Variants in ZNF710 observed in about 807,000 individuals in gnomAD.
The protein encoded by ZNF710 is zinc finger protein 710.
Under a neutral mutation model 50.6 loss-of-function variants are expected in ZNF710, and 13 were observed. The ratio of observed to expected loss-of-function variants is 0.26; its 90% confidence interval spans 0.17 to 0.41. ZNF710 has a LOEUF of 0.41. Among genes scored for constraint, ZNF710 ranks in the 10% least tolerant of loss-of-function variants. The probability of loss-of-function intolerance (pLI) is 1.00; values close to 1 mark genes in which losing one functional copy is unlikely to be tolerated. For missense variants in ZNF710, 721 were observed against 936.6 expected (o/e 0.77, Z 3.01); for synonymous variants, 383 against 397.0 (o/e 0.96, Z 0.42).
At chr15:90,018,648 C>T (rs540564705) in intron 1 of ZNF710, among the ~76,000 whole-genome samples, 1 of 152,280 alleles carries the variant, frequency 6.6e-6, no homozygotes, top group South Asian at 2.1e-4. Flanking sequence ...TGCACCTTGG[C>T]CCCTGCCTGC....
chr15:89,999,483 T>C (rs1047495270), upstream of ZNF710, among the ~76,000 whole-genome samples: 3 of 152,122 alleles, frequency 2.0e-5, no homozygotes, highest in Non-Finnish European at 4.4e-5. Flanking sequence ...GAAATGTGGT[T>C]TCCTGCAGAC....
chr15:90,039,906 C>T (rs8024557), intron 1 of ZNF710, among the ~76,000 whole-genome samples: 2,358 of 152,286 alleles, frequency 0.015, 59 homozygotes, highest in African/African-American at 0.054. Flanking sequence ...TTCGAGTCAC[C>T]CACATCTGTT....
chr15:90,070,060 G>T (rs1027431568), intron 2 of ZNF710, among the ~76,000 whole-genome samples: 1 of 152,224 alleles, frequency 6.6e-6, no homozygotes, highest in Non-Finnish European at 1.5e-5. Context: ...GGTCAAACTT[G>T]TGACCCTGTC....
chr15:90,064,859 G>A lies in ZNF710; in HGVS notation c.-28-2251G>A, dbSNP rs116830267. Among the ~76,000 whole-genome samples, 743 of 152,228 alleles carry A rather than the reference G, an allele frequency of 4.9e-3. 5 individuals carry two copies. Among genetic ancestry groups the A allele is most frequent in the African/African-American group, 0.016 (675 of 41,488 alleles). ...CTGCTTCACCTGTGTTAGGACCGTG[G>A]GCCCTCACAACCCTTCCATGGGTGA... On this transcript the variant is annotated intron_variant, in intron 1 of 4. Transcript: ENST00000268154.
At position 90,081,428 on chromosome 15, in the gene ZNF710, A is replaced by G. The variant is rs2151544309; in HGVS notation, c.*1599A>G. The G allele has an allele frequency of 6.6e-6, 1 of 152,284 alleles. No individual in the cohort carries two copies. Among genetic ancestry groups the G allele is most frequent in the South Asian group, 2.1e-4 (1 of 4,820 alleles). 9.4% of individuals were successfully genotyped at this position (152,284 alleles called of 1,614,324 possible). A position where few individuals can be genotyped will look rare whatever the true frequency, so the allele number is the denominator to read the frequency against. On this transcript the variant is annotated 3_prime_UTR_variant, in exon 5 of 5. Transcript: ENST00000268154. ...CTAGCTTCAGCCTAGAAACCCGGAG[A>G]AGGGAACAGCCTGCGGTGGGAGGAA... is the stretch of plus-strand genomic sequence containing the variant.
At chr15:90,033,640 C>A (rs868553948) in intron 1 of ZNF710, among the ~76,000 whole-genome samples, 4 of 152,192 alleles carry the variant, frequency 2.6e-5, no homozygotes, top group Non-Finnish European at 5.9e-5. Flanking sequence ...CTCACTGCAG[C>A]CTTGACCTCC....
At chr15:90,073,667 A>C (rs947326062) in intron 3 of ZNF710, among the ~76,000 whole-genome samples, 1 of 152,126 alleles carries the variant, frequency 6.6e-6, no homozygotes, top group South Asian at 2.1e-4. Flanking sequence ...TCACATGGAA[A>C]AGCATAAAGA....
At chr15:90,014,657 A>G (rs1043100147) in intron 1 of ZNF710, among the ~76,000 whole-genome samples, 2 of 152,132 alleles carry the variant, frequency 1.3e-5, no homozygotes, top group Non-Finnish European at 2.9e-5. Context: ...ACTTGGAGAA[A>G]GTACTTTCTA....
chr15:90,067,775 C>T lies in ZNF710; in HGVS notation c.638C>T (p.Pro213Leu). ...GCGCTGCCTGGGCCAGAGGCCTTGC[C>T]CACAGAGTGTGGGTTCGAGCCACCC... ...SMALPGPEAL[P>L]TECGFEPPHL... The change falls in exon 2 of 5, where the codon CCC becomes CTC. Residue 213 changes from proline (P) to leucine (L), a missense_variant. By Grantham distance (98) the Pro-to-Leu change is moderately conservative. Coordinates refer to ENST00000268154, the MANE Select transcript of ZNF710 (RefSeq NM_198526.4). The surrounding 1 kb of genome is among the most constrained non-coding windows in gnomAD (Gnocchi z 8.1). 1 of 1,586,154 alleles carries T rather than the reference C, an allele frequency of 6.3e-7. No individual in the cohort carries two copies. The highest frequency in any genetic ancestry group is 1.1e-5 in the South Asian group (1 of 88,000).
chr15:90,015,182 C>CT (rs1385284560), intron 1 of ZNF710, among the ~76,000 whole-genome samples: 2 of 152,158 alleles, frequency 1.3e-5, no homozygotes, highest in Non-Finnish European at 2.9e-5. Context: ...TGAGCCACTG[C>CT]GCCTGGCCCA....
chr15:90,011,967 G>A (rs1248673867), intron 1 of ZNF710, among the ~76,000 whole-genome samples: 1 of 152,212 alleles, frequency 6.6e-6, no homozygotes, highest in African/African-American at 2.4e-5. Context: ...AGCACTTTGG[G>A]AGGCTGAGGC....
rs528531894 is a variant in ZNF710, at chr15:90,080,014, C to A, written c.*185C>A. 3 of 535,718 alleles carry A rather than the reference C, an allele frequency of 5.6e-6. No homozygotes were observed. Among genetic ancestry groups the A allele is most frequent in the African/African-American group, 2.0e-5 (1 of 49,834 alleles). 33.2% of individuals were successfully genotyped at this position (535,718 alleles called of 1,614,324 possible). A position where few individuals can be genotyped will look rare whatever the true frequency, so the allele number is the denominator to read the frequency against. On this transcript the variant is annotated 3_prime_UTR_variant, in exon 5 of 5. Transcript: ENST00000268154. ...CAAATGGAGACTGTACTACTGGCCCCGGCTGTGAGCCAGCACAGGCCCAGG... is the reference window on the plus strand; with the variant it reads ...CAAATGGAGACTGTACTACTGGCCCAGGCTGTGAGCCAGCACAGGCCCAGG...
chr15:90,034,440 G>GTC lies in ZNF710; in HGVS notation c.-28-32669_-28-32668insCT, dbSNP rs1476975762. Among the ~76,000 whole-genome samples the GTC allele has an allele frequency of 2.1e-5, 3 of 141,536 alleles. No homozygotes were observed. Among genetic ancestry groups the GTC allele is most frequent in the Non-Finnish European group, 4.5e-5 (3 of 66,036 alleles). 92.9% of individuals were successfully genotyped at this position (141,536 alleles called of 152,430 possible). On this transcript the variant is annotated intron_variant, in intron 1 of 4. Transcript: ENST00000268154. This position sits in a 1 kb window ranked among gnomAD's most constrained non-coding sequence, Gnocchi z 4.0. ...TGTTTCCAAATTCCTGTGTGTGTGT[G>GTC]TGTGTGTGTGTGTGTGTGTGTGTGT...
chr15:90,030,329 CAAAAAA>C (rs10685083), intron 1 of ZNF710, among the ~76,000 whole-genome samples: 6 of 50,506 alleles, frequency 1.2e-4, no homozygotes, highest in South Asian at 8.4e-4. Flanking sequence ...AACTCCATCT[CAAAAAA>C]AAAAAAAAAA....
intron 1 of ZNF710, among the ~76,000 whole-genome samples, chr15:90,048,647 A>G (rs1316128563): frequency 6.6e-6 from 1 of 152,180 alleles, no homozygotes; most frequent in Non-Finnish European, 1.5e-5. Context: ...GTGATCCCAG[A>G]AAGAGATTAT....
At position 90,027,490 on chromosome 15, in the gene ZNF710, G is replaced by A. The variant is rs540819236; in HGVS notation, c.-29+25876G>A. 1.8e-3 allele frequency among the ~76,000 whole-genome samples: 267 copies of A among 152,136 alleles called. 1 individual carries two copies. Among genetic ancestry groups the A allele is most frequent in the African/African-American group, 6.2e-3 (256 of 41,496 alleles). ...CTCCCAAAGTGCTAGGATTATAGACGTGAGCCATATGCCCAGCCATTGATA... is the reference window on the plus strand; with the variant it reads ...CTCCCAAAGTGCTAGGATTATAGACATGAGCCATATGCCCAGCCATTGATA... On this transcript the variant is annotated intron_variant, in intron 1 of 4. Coordinates refer to ENST00000268154, the MANE Select transcript of ZNF710 (RefSeq NM_198526.4).
chr15:90,047,187 G>A (rs1322602660), intron 1 of ZNF710, among the ~76,000 whole-genome samples: 2 of 152,128 alleles, frequency 1.3e-5, no homozygotes, highest in African/African-American at 2.4e-5. Flanking sequence ...AGGTGGCAGG[G>A]CACCTAGCAG....
chr15:90,074,305 C>T lies in ZNF710; in HGVS notation c.1825+15C>T, dbSNP rs768685473. On this transcript the variant is annotated intron_variant, in intron 4 of 4. Coordinates refer to ENST00000268154, the MANE Select transcript of ZNF710 (RefSeq NM_198526.4). Reference sequence around the variant, plus strand: ...GGACAGCCAAGGTGGGTGGGCCAAGCGCAATGGACAGAGCAGGAATGATAC... The same window carrying T: ...GGACAGCCAAGGTGGGTGGGCCAAGTGCAATGGACAGAGCAGGAATGATAC... 11 of 1,611,364 alleles carry T rather than the reference C, an allele frequency of 6.8e-6. No individual in the cohort carries two copies. The highest frequency in any genetic ancestry group is 2.7e-5 in the African/African-American group (2 of 75,022).
At chr15:90,043,645 A>C (rs1484627186) in intron 1 of ZNF710, among the ~76,000 whole-genome samples, 1 of 152,204 alleles carries the variant, frequency 6.6e-6, no homozygotes, top group Non-Finnish European at 1.5e-5. Context: ...AAGGGTTTGC[A>C]TTGTCACCGT....
Sources: gnomAD v4.1 joint callset for allele counts (sites outside exome capture counted in the v4.1 genomes callset) on GRCh38, gnomAD v4.1.1 for gene constraint, Gnocchi (gnomAD v3.1) non-coding constraint, MANE v1.5 for transcripts, NCBI Gene and HGNC (gene_info 2026-07-23, HGNC 2026-07-21) for gene names.